Variants in KLRG2 observed in about 807,000 individuals in gnomAD.
KLRG2 encodes the protein killer cell lectin-like receptor subfamily G member 2.
In KLRG2, 39 loss-of-function variants were observed where a neutral mutation model predicts 35.4. The ratio of observed to expected loss-of-function variants is 1.10; its 90% CI spans 0.85 to 1.44. The LOEUF (loss-of-function observed/expected upper bound fraction) is 1.44. KLRG2 is among the 40% of genes most tolerant of loss of function. The probability of loss-of-function intolerance (pLI) is 0.00; values close to 1 mark genes in which losing one functional copy is unlikely to be tolerated. For synonymous variants in KLRG2, 283 were observed against 265.8 expected (o/e 1.06, Z -0.63); for missense variants, 632 against 570.9 (o/e 1.11, Z -1.09).
chr7:139,446,997 T>C, the KLRG2 span, among the ~76,000 whole-genome samples: 2 of 151,884 alleles, frequency 1.3e-5, no homozygotes. Context: ...GACAGCCTCT[T>C]CGGGTTGGTC....
chr7:139,450,875 T>A (rs568506748), downstream of KLRG2, among the ~76,000 whole-genome samples: 43 of 152,182 alleles, frequency 2.8e-4, no homozygotes, highest in Non-Finnish European at 4.9e-4. Flanking sequence ...ATGTGGCCCA[T>A]GTGACACTGG....
At chr7:139,482,596 T>C (rs1796979498) in intron 1 of KLRG2, among the ~76,000 whole-genome samples, 1 of 152,192 alleles carries the variant, frequency 6.6e-6, no homozygotes, top group African/African-American at 2.4e-5. Flanking sequence ...TTTCATCATA[T>C]TGGTCAGGCT....
intron 3 of KLRG2, among the ~76,000 whole-genome samples, chr7:139,469,281 T>C (rs1242296727): frequency 6.6e-6 from 1 of 152,148 alleles, no homozygotes; most frequent in Non-Finnish European, 1.5e-5. Flanking sequence ...TGCCTCAGCC[T>C]CCCGAATAGC....
chr7:139,452,559 T>A (rs1427735242), downstream of KLRG2: 2 of 152,202 alleles, frequency 1.3e-5, no homozygotes, highest in Non-Finnish European at 2.9e-5. Flanking sequence ...GATTTCTGTT[T>A]GGGAGGGATC....
chr7:139,468,133 T>A (rs1221300874), intron 3 of KLRG2, among the ~76,000 whole-genome samples: 1 of 152,122 alleles, frequency 6.6e-6, no homozygotes, highest in East Asian at 1.9e-4. Flanking sequence ...TCTGCTGACC[T>A]TCTCTCCACT....
the KLRG2 span, among the ~76,000 whole-genome samples, chr7:139,443,361 T>C: frequency 3.1e-4 from 47 of 152,076 alleles, no homozygotes; most frequent in Middle Eastern, 6.8e-3. Flanking sequence ...TTTGAGATTA[T>C]AGGAGTGAGT....
the KLRG2 span, among the ~76,000 whole-genome samples, chr7:139,435,085 T>A: frequency 6.6e-6 from 1 of 152,194 alleles, no homozygotes; most frequent in Non-Finnish European, 1.5e-5. Flanking sequence ...ACCTACTACT[T>A]TATTTTTATT....
chr7:139,476,178 G>C (rs1250800811), intron 3 of KLRG2, among the ~76,000 whole-genome samples: 2 of 152,138 alleles, frequency 1.3e-5, no homozygotes, highest in African/African-American at 4.8e-5. Flanking sequence ...TGAGGCAGGC[G>C]GATCGCCTGA....
chr7:139,437,737 C>T, the KLRG2 span, among the ~76,000 whole-genome samples: 1 of 150,040 alleles, frequency 6.7e-6, no homozygotes, highest in Non-Finnish European at 1.5e-5. Flanking sequence ...GGATTACAGG[C>T]GTGAGCCACC....
chr7:139,483,624 C>A lies in KLRG2; in HGVS notation c.19G>T (p.Ala7Ser). The change falls in exon 1 of 5, where the codon GCT becomes TCT. Residue 7 changes from alanine to serine, a missense_variant. Transcript: ENST00000340940. MEESWE[A>S]APGGQAGAEL... is the part of the protein sequence containing the mutation. ...GCCCCGGCTTGGCCTCCGGGCGCAG[C>A]CTCCCAAGACTCCTCCATCCCGCGC... is the stretch of plus-strand genomic sequence containing the variant. 2 of 1,563,212 alleles carry A rather than the reference C, an allele frequency of 1.3e-6. No individual in the cohort carries two copies. The highest frequency in any genetic ancestry group is 1.8e-5 in the Admixed American group (1 of 54,724).
chr7:139,428,827 A>G, the KLRG2 span, among the ~76,000 whole-genome samples: 1 of 151,260 alleles, frequency 6.6e-6, no homozygotes, highest in South Asian at 2.1e-4. Context: ...GATAAGTGCT[A>G]AAGTATTTAA....
At chr7:139,459,399 T>C (rs771569043) in intron 3 of KLRG2, among the ~76,000 whole-genome samples, 3 of 152,220 alleles carry the variant, frequency 2.0e-5, no homozygotes, top group Admixed American at 6.5e-5. Flanking sequence ...AACAATATGA[T>C]CCCCGCCCTG....
At chr7:139,439,791 A>G in the KLRG2 span, among the ~76,000 whole-genome samples, 1 of 152,208 alleles carries the variant, frequency 6.6e-6, no homozygotes, top group African/African-American at 2.4e-5. Context: ...TCCCAGGACT[A>G]TCGTAACAAA....
the KLRG2 span, among the ~76,000 whole-genome samples, chr7:139,435,396 A>T: frequency 6.6e-6 from 1 of 152,188 alleles, no homozygotes; most frequent in Admixed American, 6.5e-5. Flanking sequence ...AGGGTGAGGC[A>T]GGAGAATCGC....
chr7:139,433,196 C>A, the KLRG2 span, among the ~76,000 whole-genome samples: 1 of 152,180 alleles, frequency 6.6e-6, no homozygotes, highest in African/African-American at 2.4e-5. Flanking sequence ...CCATCCTCAC[C>A]AAGTAAAACA....
chr7:139,475,985 C>G (rs1057338402), intron 3 of KLRG2, among the ~76,000 whole-genome samples: 1 of 152,004 alleles, frequency 6.6e-6, no homozygotes, highest in African/African-American at 2.4e-5. Flanking sequence ...GTCACAGACG[C>G]TTTCTGGGTT....
At chr7:139,477,124 GGA>G (rs1796864669) in intron 3 of KLRG2, among the ~76,000 whole-genome samples, 1 of 152,120 alleles carries the variant, frequency 6.6e-6, no homozygotes, top group Non-Finnish European at 1.5e-5. Flanking sequence ...AGGATTGCTG[GGA>G]ATGTAAAATT....
intron 3 of KLRG2, among the ~76,000 whole-genome samples, chr7:139,459,838 G>A (rs1333453866): frequency 6.6e-6 from 1 of 151,410 alleles, no homozygotes; most frequent in East Asian, 1.9e-4. Context: ...TGCAACCTCC[G>A]CCTCCCAGGT....
chr7:139,460,165 C>A (rs1585165352), intron 3 of KLRG2, among the ~76,000 whole-genome samples: 1 of 152,000 alleles, frequency 6.6e-6, no homozygotes, highest in East Asian at 1.9e-4. Flanking sequence ...GGATTACAGG[C>A]ATGAGCCACT....
Sources: allele counts gnomAD v4.1 joint callset (sites outside exome capture counted in the v4.1 genomes callset), GRCh38; gene constraint gnomAD v4.1.1; transcripts MANE v1.5; gene names NCBI Gene and HGNC (gene_info 2026-07-23, HGNC 2026-07-21).